PAX3: variants seen among roughly 807,000 people sequenced by gnomAD.
The protein encoded by PAX3 is paired box 3, also known as paired box protein Pax-3.
PAX3 carries 14 observed loss-of-function variants against 51.6 expected under a neutral mutation model. That is an observed-to-expected ratio of 0.27 (90% CI 0.18 to 0.42). The LOEUF (loss-of-function observed/expected upper bound fraction) is 0.42. Among genes scored for constraint, PAX3 ranks in the 10% least tolerant of loss-of-function variants. The probability of loss-of-function intolerance (pLI) is 1.00; values close to 1 mark genes in which losing one functional copy is unlikely to be tolerated. For synonymous variants in PAX3, 280 were observed against 253.4 expected (o/e 1.11, Z -1.00); for missense variants, 540 against 642.8 (o/e 0.84, Z 1.73).
intron 2 of PAX3, among the ~76,000 whole-genome samples, chr2:222,296,149 A>T (rs979991418): frequency 3.9e-5 from 6 of 152,266 alleles, no homozygotes; most frequent in African/African-American, 1.4e-4. Context: ...TCGAGTCGAT[A>T]ACAAATATTA....
intron 5 of PAX3, among the ~76,000 whole-genome samples, chr2:222,229,867 C>G (rs1692521071): frequency 6.6e-6 from 1 of 152,194 alleles, no homozygotes; most frequent in Admixed American, 6.5e-5. Flanking sequence ...GAATATCTAT[C>G]TAGCCCGGAA....
intron 4 of PAX3, among the ~76,000 whole-genome samples, chr2:222,239,329 G>GT (rs5838942): frequency 0.36 from 53,260 of 149,698 alleles, 10,081 homozygotes; most frequent in East Asian, 0.8. Context: ...GTTGGGGTGG[G>GT]TTTTTTTTTC....
chr2:222,223,403 C>T (rs1179116787), intron 5 of PAX3, among the ~76,000 whole-genome samples: 7 of 152,162 alleles, frequency 4.6e-5, no homozygotes, highest in East Asian at 1.9e-4. Flanking sequence ...GAACCATGAA[C>T]AGCACTTAAT....
At chr2:222,240,810 A>T (rs1447036654) in intron 4 of PAX3, among the ~76,000 whole-genome samples, 3 of 152,216 alleles carry the variant, frequency 2.0e-5, no homozygotes, top group African/African-American at 7.2e-5. Flanking sequence ...TACAACACGA[A>T]TGACATCGCC....
intron 4 of PAX3, 93 bp downstream of exon 4, chr2:222,294,074 G>A (rs752626623): frequency 1.3e-6 from 2 of 1,592,964 alleles, no homozygotes; most frequent in Non-Finnish European, 1.7e-6. Flanking sequence ...CTTGATCCGA[G>A]CTGGGCTTGG....
chr2:222,211,655 G>A (rs1691740653), intron 7 of PAX3, among the ~76,000 whole-genome samples: 1 of 152,128 alleles, frequency 6.6e-6, no homozygotes, highest in African/African-American at 2.4e-5. Context: ...TCAAGAGTTA[G>A]GTCTCCACGT....
chr2:222,296,960 C>T lies in PAX3; in HGVS notation c.321+18G>A. 6.2e-7 allele frequency: 1 copy of T among 1,600,758 alleles called. No homozygotes were observed. On this transcript the variant is annotated intron_variant, in intron 2 of 8. Transcript: ENST00000392070. ...GACCACAGTCTGGGAGCCAGGAGGG[C>T]AAGGCCCGCCCGCTCACCTTGGGCT...
At chr2:222,265,107 C>T (rs561789974) in intron 4 of PAX3, 6 of 152,304 alleles carry the variant, frequency 3.9e-5, no homozygotes, top group African/African-American at 1.4e-4. Flanking sequence ...TGACCATCTT[C>T]CCCTCCAGGC....
intron 7 of PAX3, among the ~76,000 whole-genome samples, chr2:222,204,339 C>A (rs1299353310): frequency 2.0e-5 from 3 of 152,040 alleles, no homozygotes; most frequent in Admixed American, 1.3e-4. Context: ...TAAATTAGTT[C>A]CTGGATATGT....
At chr2:222,237,899 C>T (rs1275053056) in intron 4 of PAX3, among the ~76,000 whole-genome samples, 3 of 152,138 alleles carry the variant, frequency 2.0e-5, no homozygotes, top group African/African-American at 4.8e-5. Flanking sequence ...TAACTGGAAA[C>T]ATATCAGGAT....
At chr2:222,236,909 A>G (rs751499529) in intron 4 of PAX3, among the ~76,000 whole-genome samples, 4 of 152,228 alleles carry the variant, frequency 2.6e-5, no homozygotes, top group Non-Finnish European at 5.9e-5. Context: ...TCAATACATC[A>G]TGCACAGCAT....
chr2:222,249,031 T>A (rs1401590675), intron 4 of PAX3, among the ~76,000 whole-genome samples: 1 of 152,180 alleles, frequency 6.6e-6, no homozygotes, highest in African/African-American at 2.4e-5. Flanking sequence ...TCTTTCTTGG[T>A]TTCAGTATTT....
intron 7 of PAX3, among the ~76,000 whole-genome samples, chr2:222,213,486 A>G (rs1173525007): frequency 6.6e-6 from 1 of 152,176 alleles, no homozygotes; most frequent in East Asian, 1.9e-4. Flanking sequence ...GATCATAAAC[A>G]TTCTTGAGCC....
intron 4 of PAX3, among the ~76,000 whole-genome samples, chr2:222,292,457 G>C (rs938198721): frequency 6.6e-6 from 1 of 152,208 alleles, no homozygotes; most frequent in Non-Finnish European, 1.5e-5. Flanking sequence ...AGCTGGAAAA[G>C]TTGTACAAAT....
chr2:222,294,524 T>TG (rs1695184320), intron 3 of PAX3, among the ~76,000 whole-genome samples: 2 of 152,062 alleles, frequency 1.3e-5, no homozygotes, highest in Non-Finnish European at 2.9e-5. Context: ...ATCTCGGTAC[T>TG]GAAAGACGGA....
intron 4 of PAX3, among the ~76,000 whole-genome samples, chr2:222,276,326 C>A (rs937097940): frequency 6.6e-6 from 1 of 152,210 alleles, no homozygotes; most frequent in African/African-American, 2.4e-5. Flanking sequence ...TGATACTGCA[C>A]AGAAATGCTT....
At chr2:222,253,263 C>A (rs1183714417) in intron 4 of PAX3, among the ~76,000 whole-genome samples, 1 of 152,156 alleles carries the variant, frequency 6.6e-6, no homozygotes, top group African/African-American at 2.4e-5. Context: ...CTCTGAGGAA[C>A]AAATTTACAG....
intron 4 of PAX3, among the ~76,000 whole-genome samples, chr2:222,270,653 C>G (rs987488429): frequency 6.6e-6 from 1 of 152,174 alleles, no homozygotes; most frequent in African/African-American, 2.4e-5. Context: ...CTGCATAAAT[C>G]TCCAACTCCT....
intron 2 of PAX3, among the ~76,000 whole-genome samples, chr2:222,296,012 A>T (rs1695276279): frequency 1.3e-5 from 2 of 152,248 alleles, no homozygotes; most frequent in Admixed American, 1.3e-4. Context: ...AAACGAAACT[A>T]AAAAAGCGAT....
Sources: gnomAD v4.1 joint callset for allele counts (sites outside exome capture counted in the v4.1 genomes callset) on GRCh38, gnomAD v4.1.1 for gene constraint, MANE v1.5 for transcripts, NCBI Gene and HGNC (gene_info 2026-07-23, HGNC 2026-07-21) for gene names.